Variants in MAGI2 observed in about 807,000 individuals in gnomAD.
MAGI2 encodes the protein membrane associated guanylate kinase, WW and PDZ domain containing 2.
Under a neutral mutation model 133.3 loss-of-function variants are expected in MAGI2, and 35 were observed. The ratio of observed to expected loss-of-function variants is 0.26; its 90% CI spans 0.20 to 0.35. The LOEUF is 0.35. MAGI2 is among the 10% of genes least tolerant of loss of function. MAGI2 has a pLI of 1.00. For synonymous variants in MAGI2, 729 were observed against 710.6 expected (o/e 1.03, Z -0.41); for missense variants, 1,636 against 1,863.4 (o/e 0.88, Z 2.25).
intron 2 of MAGI2, among the ~76,000 whole-genome samples, chr7:78,855,027 G>T (rs1023279992): frequency 3.8e-4 from 57 of 148,668 alleles, no homozygotes; most frequent in African/African-American, 1.4e-3. Flanking sequence ...AAATTTTTCT[G>T]TTTTTTTTTT....
chr7:78,314,188 G>A (rs1244515799), intron 9 of MAGI2, among the ~76,000 whole-genome samples: 1 of 152,140 alleles, frequency 6.6e-6, no homozygotes, highest in Non-Finnish European at 1.5e-5. Context: ...TAGCCCAGAA[G>A]AAGGCCTGGG....
At chr7:78,382,248 A>G (rs1163231417) in intron 6 of MAGI2, among the ~76,000 whole-genome samples, 1 of 152,134 alleles carries the variant, frequency 6.6e-6, no homozygotes, top group Non-Finnish European at 1.5e-5. Context: ...CTACTTAACT[A>G]TAAGAGGTGG....
intron 2 of MAGI2, among the ~76,000 whole-genome samples, chr7:78,810,563 CTT>C (rs1788961144): frequency 6.6e-6 from 1 of 152,156 alleles, no homozygotes; most frequent in South Asian, 2.1e-4. Flanking sequence ...TAGCTGAACT[CTT>C]TTTTGTTTTC....
At chr7:78,802,970 C>A (rs1788202488) in intron 2 of MAGI2, among the ~76,000 whole-genome samples, 1 of 149,952 alleles carries the variant, frequency 6.7e-6, no homozygotes, top group Non-Finnish European at 1.5e-5. Context: ...ATACTAGATG[C>A]CTTGGAGTTT....
intron 10 of MAGI2, among the ~76,000 whole-genome samples, chr7:78,219,997 C>T (rs1222106023): frequency 1.3e-5 from 2 of 152,162 alleles, no homozygotes; most frequent in Non-Finnish European, 2.9e-5. Context: ...CTCTTTTCTT[C>T]TATAGTGGTG....
intron 1 of MAGI2, among the ~76,000 whole-genome samples, chr7:79,404,042 G>A (rs984689025): frequency 6.6e-6 from 1 of 152,140 alleles, no homozygotes; most frequent in Admixed American, 6.5e-5. Flanking sequence ...GGATGACAAT[G>A]TTAATGTTTA....
intron 1 of MAGI2, among the ~76,000 whole-genome samples, chr7:79,108,881 C>T (rs1288356499): frequency 3.3e-5 from 5 of 152,016 alleles, no homozygotes; most frequent in South Asian, 2.1e-4. Context: ...TAAAAGTGTG[C>T]GGCACTTCTA....
intron 6 of MAGI2, among the ~76,000 whole-genome samples, chr7:78,402,380 G>A (rs1796968833): frequency 6.6e-6 from 1 of 150,582 alleles, no homozygotes; most frequent in Non-Finnish European, 1.5e-5. Context: ...CACCTGGGGT[G>A]TGTGTGTGTG....
chr7:78,355,379 GAAAC>G (rs1300984816), intron 7 of MAGI2, among the ~76,000 whole-genome samples: 3 of 152,154 alleles, frequency 2.0e-5, no homozygotes, highest in African/African-American at 7.2e-5. Flanking sequence ...TTTGCTGAAA[GAAAC>G]AGTTGCATGA....
intron 16 of MAGI2, among the ~76,000 whole-genome samples, chr7:78,138,489 A>T (rs1457961101): frequency 6.6e-6 from 1 of 152,198 alleles, no homozygotes; most frequent in Non-Finnish European, 1.5e-5. Flanking sequence ...AATGAAATTT[A>T]AAAACGTACT....
intron 6 of MAGI2, among the ~76,000 whole-genome samples, chr7:78,389,005 G>A (rs938759862): frequency 1.3e-5 from 2 of 152,102 alleles, no homozygotes; most frequent in African/African-American, 4.8e-5. Context: ...AGATCAATCA[G>A]TTATTGTTAC....
intron 1 of MAGI2, among the ~76,000 whole-genome samples, chr7:79,159,661 G>A (rs961360736): frequency 5.3e-5 from 8 of 151,888 alleles, no homozygotes; most frequent in African/African-American, 1.2e-4. Context: ...TTTTTAATGC[G>A]AGAAGTTTTT....
rs191737643 is a variant in MAGI2 at position 79,437,501 on chromosome 7, C to A, written c.301+15519G>T. On this transcript the variant is annotated intron_variant, in intron 1 of 21. Coordinates refer to ENST00000354212, the MANE Select transcript of MAGI2 (RefSeq NM_012301.4). ...GCTTTCAAAAAGATATATGTTCTCA[C>A]TATTGCCATATAAAATAAGTGAATA... Among the ~76,000 whole-genome samples, 6 of 152,150 alleles carry A rather than the reference C, an allele frequency of 3.9e-5. No homozygotes were observed. The East Asian group carries it at 9.7e-4, about 25-fold the overall frequency.
chr7:79,122,288 C>T (rs1819971046), intron 1 of MAGI2, among the ~76,000 whole-genome samples: 1 of 152,174 alleles, frequency 6.6e-6, no homozygotes, highest in South Asian at 2.1e-4. Flanking sequence ...CATACCTCTA[C>T]ACATGTCTCT....
At chr7:78,083,388 GAGAGAGAGAGAGAGA>G (rs1563098819) in intron 20 of MAGI2, among the ~76,000 whole-genome samples, 29 of 9,818 alleles carry the variant, frequency 3.0e-3, no homozygotes, top group South Asian at 6.4e-3. Context: ...GGGAGGGGGG[GAGAGAGAGAGAGAGA>G]GAGAGAGAGA....
At chr7:79,280,134 T>C (rs1026088674) in intron 1 of MAGI2, among the ~76,000 whole-genome samples, 3 of 152,290 alleles carry the variant, frequency 2.0e-5, no homozygotes, top group Admixed American at 1.3e-4. Flanking sequence ...TAATAAGTCT[T>C]GGTCTCTGTG....
At chr7:78,836,586 C>T (rs570860958) in intron 2 of MAGI2, among the ~76,000 whole-genome samples, 1 of 152,220 alleles carries the variant, frequency 6.6e-6, no homozygotes, top group African/African-American at 2.4e-5. Context: ...TACATCTTTC[C>T]ATTTATTAGT....
At chr7:79,299,717 T>A (rs1837243610) in intron 1 of MAGI2, among the ~76,000 whole-genome samples, 1 of 152,068 alleles carries the variant, frequency 6.6e-6, no homozygotes, top group Non-Finnish European at 1.5e-5. Context: ...ATTTGGATAT[T>A]TGTTCCCACC....
At chr7:78,298,450 G>C (rs1348739304) in intron 9 of MAGI2, among the ~76,000 whole-genome samples, 1 of 152,170 alleles carries the variant, frequency 6.6e-6, no homozygotes, top group Non-Finnish European at 1.5e-5. Flanking sequence ...AAGAGAAATT[G>C]GGTGTTGGGT....
Sources: gnomAD v4.1 joint callset for allele counts (sites outside exome capture counted in the v4.1 genomes callset) on GRCh38, gnomAD v4.1.1 for gene constraint, MANE v1.5 for transcripts, NCBI Gene and HGNC (gene_info 2026-07-23, HGNC 2026-07-21) for gene names.